Variants in EHBP1 observed in about 807,000 individuals in gnomAD.
The protein encoded by EHBP1 is EH domain binding protein 1.
In EHBP1, 55 loss-of-function variants were observed where a neutral mutation model predicts 144.0. That is an observed-to-expected ratio of 0.38 (90% confidence interval 0.31 to 0.48). The LOEUF (loss-of-function observed/expected upper bound fraction) is 0.48, where lower values mean the gene tolerates loss of function less well. Ranked by LOEUF, EHBP1 falls within the 20% of genes least tolerant of loss-of-function variation. EHBP1 has a pLI of 0.98. For missense variants in EHBP1, 1,200 were observed against 1,364.2 expected (o/e 0.88, Z 1.90); for synonymous variants, 469 against 472.7 (o/e 0.99, Z 0.10).
At chr2:63,021,771 CTT>C (rs74506390) in intron 19 of EHBP1, among the ~76,000 whole-genome samples, 1 of 145,744 alleles carries the variant, frequency 6.9e-6, no homozygotes, top group Non-Finnish European at 1.5e-5. Flanking sequence ...CAAATGGAAA[CTT>C]TTTTTTTTTT....
At chr2:62,850,617 T>G (rs1276130655) in intron 7 of EHBP1, among the ~76,000 whole-genome samples, 2 of 152,130 alleles carry the variant, frequency 1.3e-5, no homozygotes, top group Non-Finnish European at 2.9e-5. Flanking sequence ...AAATATAACA[T>G]TATTAGCATT....
intron 2 of EHBP1, among the ~76,000 whole-genome samples, chr2:62,714,639 A>G (rs1038189988): frequency 6.6e-6 from 1 of 152,220 alleles, no homozygotes; most frequent in Non-Finnish European, 1.5e-5. Context: ...CTGACAGAGT[A>G]AGCACCCAGA....
At chr2:62,811,368 C>T (rs188745652) in intron 5 of EHBP1, among the ~76,000 whole-genome samples, 8 of 152,294 alleles carry the variant, frequency 5.3e-5, no homozygotes, top group Admixed American at 1.3e-4. Context: ...ATGTTTTCAG[C>T]GTGGCCTGAG....
chr2:62,906,665 A>G (rs979573800), intron 10 of EHBP1, among the ~76,000 whole-genome samples: 1 of 152,222 alleles, frequency 6.6e-6, no homozygotes, highest in Non-Finnish European at 1.5e-5. Context: ...GTTTTTCCCA[A>G]TAGAAACATC....
rs77899094 is a variant in EHBP1, at chr2:62,984,310, G to A, written c.2608+4975G>A. Among the ~76,000 whole-genome samples, 11 of 152,152 alleles carry A rather than the reference G, an allele frequency of 7.2e-5. No individual in the cohort carries two copies. The East Asian group carries it at 2.1e-3, about 29-fold the overall frequency. ...ATAAGACTGGCCTTATTGACCACAC[G>A]GTTGGGTTATCTATTTTACTTATAG... On this transcript the variant is annotated intron_variant, in intron 15 of 22. Transcript: ENST00000431489.
chr2:63,033,113 T>C (rs557900169), intron 19 of EHBP1, among the ~76,000 whole-genome samples: 13 of 152,222 alleles, frequency 8.5e-5, no homozygotes, highest in Admixed American at 3.9e-4. Context: ...AGTCCTGCAA[T>C]AATGTTGGCT....
chr2:62,906,056 A>G (rs2053788416), intron 10 of EHBP1, among the ~76,000 whole-genome samples: 1 of 151,968 alleles, frequency 6.6e-6, no homozygotes, highest in Non-Finnish European at 1.5e-5. Flanking sequence ...TTATGTTTTC[A>G]TTGGATTGTT....
At chr2:62,982,566 A>G (rs2059017462) in intron 15 of EHBP1, among the ~76,000 whole-genome samples, 1 of 152,166 alleles carries the variant, frequency 6.6e-6, no homozygotes, top group Admixed American at 6.5e-5. Context: ...TCTAGTAGGA[A>G]TCCTCAGGTC....
intron 2 of EHBP1, among the ~76,000 whole-genome samples, chr2:62,709,722 A>T (rs2034952959): frequency 6.6e-6 from 1 of 151,920 alleles, no homozygotes; most frequent in South Asian, 2.1e-4. Context: ...AAGGATTTGG[A>T]TGTTCTCCTA....
At chr2:62,796,541 T>G (rs2043548422) in intron 5 of EHBP1, among the ~76,000 whole-genome samples, 1 of 152,216 alleles carries the variant, frequency 6.6e-6, no homozygotes, top group African/African-American at 2.4e-5. Flanking sequence ...TCTAAAAGTT[T>G]TACTGTGTCT....
intron 2 of EHBP1, among the ~76,000 whole-genome samples, chr2:62,722,860 G>A (rs1168793470): frequency 6.6e-6 from 1 of 152,176 alleles, no homozygotes; most frequent in African/African-American, 2.4e-5. Context: ...ATTGTGCTGT[G>A]GTTCAAGAGA....
chr2:62,826,383 A>G (rs1261575102), intron 6 of EHBP1, 115 bp downstream of exon 6: 2 of 1,013,002 alleles, frequency 2.0e-6, no homozygotes, highest in South Asian at 2.5e-5. Context: ...CATTTTTGCC[A>G]TTCTTTGTTT....
At chr2:62,936,352 C>T (rs1469837227) in intron 10 of EHBP1, among the ~76,000 whole-genome samples, 2 of 152,106 alleles carry the variant, frequency 1.3e-5, no homozygotes, top group African/African-American at 4.8e-5. Flanking sequence ...TAGGAATTTG[C>T]TTCTCTCTTT....
At chr2:62,863,835 G>GTATTTTTTTTTTTTT (rs1558815445) in intron 8 of EHBP1, among the ~76,000 whole-genome samples, 1 of 87,574 alleles carries the variant, frequency 1.1e-5, no homozygotes, top group Non-Finnish European at 2.3e-5. Context: ...TTATTTTTCT[G>GTATTTTTTTTTTTTT]TGTTGTTTTT....
At chr2:62,830,565 G>A (rs555849267) in intron 6 of EHBP1, among the ~76,000 whole-genome samples, 3 of 152,158 alleles carry the variant, frequency 2.0e-5, no homozygotes, top group African/African-American at 7.2e-5. Flanking sequence ...TGGATGCATA[G>A]TTTGTGAATA....
intron 5 of EHBP1, among the ~76,000 whole-genome samples, chr2:62,790,838 T>C (rs1231877647): frequency 6.6e-6 from 1 of 152,108 alleles, no homozygotes; most frequent in Non-Finnish European, 1.5e-5. Flanking sequence ...ATTCAATTAT[T>C]GTCTCTTGTG....
At position 62,956,116 on chromosome 2, in the gene EHBP1, A is replaced by G. The variant is rs1339352453; in HGVS notation, c.2460+456A>G. 5 of 152,582 alleles carry G rather than the reference A, an allele frequency of 3.3e-5. 1 individual carries two copies. The Middle Eastern group carries it at 0.014, about 415-fold the overall frequency. The allele number at this position is 152,582 out of a possible 1,614,324, so 9.5% of individuals were successfully genotyped here. ...GCCAATAGGCAAGGTAACTTGTACAAGGTCACAGAGTCAATAAATGGTGAA... is the reference window on the plus strand; with the variant it reads ...GCCAATAGGCAAGGTAACTTGTACAGGGTCACAGAGTCAATAAATGGTGAA... On this transcript the variant is annotated intron_variant, in intron 14 of 22. Coordinates refer to ENST00000431489, the MANE Select transcript of EHBP1 (RefSeq NM_001142616.3).
chr2:62,851,460 G>A (rs1442971108), intron 7 of EHBP1, among the ~76,000 whole-genome samples: 2 of 152,138 alleles, frequency 1.3e-5, no homozygotes, highest in East Asian at 3.9e-4. Flanking sequence ...AATCCAGAAA[G>A]CCCTCCTAAC....
chr2:62,723,477 T>C (rs929778168), intron 2 of EHBP1, among the ~76,000 whole-genome samples: 1 of 152,164 alleles, frequency 6.6e-6, no homozygotes, highest in Admixed American at 6.5e-5. Context: ...TTTAGCCCAT[T>C]TACATTTAAG....
Sources: allele counts gnomAD v4.1 joint callset (sites outside exome capture counted in the v4.1 genomes callset), GRCh38; gene constraint gnomAD v4.1.1; transcripts MANE v1.5; gene names NCBI Gene and HGNC (gene_info 2026-07-23, HGNC 2026-07-21).